The following RNF216 variants were observed in gnomAD, a reference collection of about 807,000 sequenced individuals.
The protein encoded by RNF216 is ring finger protein 216.
In RNF216, 72 loss-of-function variants were observed where a neutral mutation model predicts 110.8. That is an observed-to-expected ratio of 0.65 (90% CI 0.54 to 0.79). The LOEUF is 0.79. Among genes scored for constraint, RNF216 ranks in the 30% least tolerant of loss-of-function variants. RNF216 has a pLI of 0.00. For synonymous variants in RNF216, 495 were observed against 407.5 expected (o/e 1.21, Z -2.59); for missense variants, 1,342 against 1,141.2 (o/e 1.18, Z -2.54).
intron 1 of RNF216, among the ~76,000 whole-genome samples, chr7:5,778,218 C>T (rs961094545): frequency 1.3e-5 from 2 of 152,194 alleles, no homozygotes; most frequent in African/African-American, 2.4e-5. Flanking sequence ...CCGCATTCAC[C>T]ATTCAGTAGT....
intron 13 of RNF216, among the ~76,000 whole-genome samples, chr7:5,660,479 A>T (rs1423042622): frequency 6.6e-6 from 1 of 150,626 alleles, no homozygotes; most frequent in Non-Finnish European, 1.5e-5. Flanking sequence ...TTTAGTAGAG[A>T]CAGGGTTTCA....
rs1369750862 is a variant in RNF216, at chr7:5,781,662, G to A, written c.-191C>T. 1 of 152,394 alleles carries A rather than the reference G, an allele frequency of 6.6e-6. No homozygotes were observed. Among genetic ancestry groups the A allele is most frequent in the Non-Finnish European group, 1.5e-5 (1 of 68,170 alleles). 9.4% of individuals were successfully genotyped at this position (152,394 alleles called of 1,614,324 possible). On this transcript the variant is annotated 5_prime_UTR_variant, in exon 1 of 17. Transcript: ENST00000389902. ...CCGCTGCACTCCTTCCGGCCCTGCC[G>A]CGGCGTCACCTCGCGCCTGCGCACA...
At chr7:5,641,770 CA>C (rs1787746624) in intron 14 of RNF216, among the ~76,000 whole-genome samples, 1 of 151,062 alleles carries the variant, frequency 6.6e-6, no homozygotes, top group African/African-American at 2.5e-5. Context: ...CATGGTGGTG[CA>C]CGCCTGTAAT....
chr7:5,704,392 A>C (rs1379448238), intron 13 of RNF216, among the ~76,000 whole-genome samples: 2 of 152,240 alleles, frequency 1.3e-5, no homozygotes, highest in East Asian at 1.9e-4. Context: ...AATATCAGGA[A>C]TCCTCAAGGA....
intron 13 of RNF216, among the ~76,000 whole-genome samples, chr7:5,687,259 G>A (rs1453912191): frequency 3.3e-5 from 5 of 151,972 alleles, no homozygotes; most frequent in African/African-American, 7.3e-5. Flanking sequence ...AACTGGGCAT[G>A]GTGGCGGGCG....
chr7:5,668,414 G>A (rs563188407), intron 13 of RNF216, among the ~76,000 whole-genome samples: 2 of 151,946 alleles, frequency 1.3e-5, no homozygotes, highest in Non-Finnish European at 2.9e-5. Flanking sequence ...TAGTAGAGAC[G>A]GGGTTTCACC....
intron 1 of RNF216, chr7:5,777,358 C>G (rs987462689): frequency 2.6e-5 from 4 of 152,182 alleles, no homozygotes; most frequent in Non-Finnish European, 4.4e-5. Context: ...AAACAGAGCT[C>G]AGATTTTATT....
intron 13 of RNF216, among the ~76,000 whole-genome samples, chr7:5,659,796 C>A (rs1003882940): frequency 6.6e-6 from 1 of 152,166 alleles, no homozygotes; most frequent in African/African-American, 2.4e-5. Flanking sequence ...TGTGCCAACA[C>A]CAAGCCTGGC....
At position 5,766,699 on chromosome 7, in the gene RNF216, TATCA is replaced by T. The variant is rs1796227160; in HGVS notation, c.-69-5565_-69-5562del. ...CTGATGCTATTTTGTTAGTCTATGG[TATCA>T]GTCAGCTTGAGCTGACTAATACAGG... On this transcript the variant is annotated intron_variant, in intron 1 of 16. Transcript: ENST00000389902. Among the ~76,000 whole-genome samples, 6 of 152,364 alleles carry T rather than the reference TATCA, an allele frequency of 3.9e-5. No homozygotes were observed. The East Asian group carries it at 1.2e-3, about 29-fold the overall frequency.
chr7:5,707,535 A>G (rs754375036), intron 13 of RNF216, among the ~76,000 whole-genome samples: 1 of 152,080 alleles, frequency 6.6e-6, no homozygotes, highest in Non-Finnish European at 1.5e-5. Flanking sequence ...TGGAAATTGC[A>G]GATTTTTCTA....
chr7:5,664,939 G>A (rs769804686), intron 13 of RNF216, among the ~76,000 whole-genome samples: 2 of 152,216 alleles, frequency 1.3e-5, no homozygotes, highest in African/African-American at 2.4e-5. Context: ...TGGGATTACA[G>A]GCGCCCGCCA....
At chr7:5,753,482 C>T (rs935135343) in intron 2 of RNF216, among the ~76,000 whole-genome samples, 1 of 152,144 alleles carries the variant, frequency 6.6e-6, no homozygotes, top group Non-Finnish European at 1.5e-5. Context: ...TAGTCAAGCA[C>T]CCATTTAGCA....
At chr7:5,707,483 C>G (rs1051494818) in intron 13 of RNF216, among the ~76,000 whole-genome samples, 1 of 152,060 alleles carries the variant, frequency 6.6e-6, no homozygotes, top group South Asian at 2.1e-4. Context: ...ATTTTGTATC[C>G]TGCACCTTTA....
chr7:5,738,551 AC>A (rs1442176688), intron 5 of RNF216, among the ~76,000 whole-genome samples: 2 of 151,936 alleles, frequency 1.3e-5, no homozygotes, highest in African/African-American at 2.4e-5. Flanking sequence ...TACTAAAAAT[AC>A]ACAAAATTAG....
intron 13 of RNF216, among the ~76,000 whole-genome samples, chr7:5,697,656 G>A (rs1184011763): frequency 6.6e-6 from 1 of 152,166 alleles, no homozygotes; most frequent in East Asian, 1.9e-4. Flanking sequence ...CCTGGGGAAA[G>A]GTTTTGATGG....
At chr7:5,713,222 AGCAGAG>A (rs1792827063) in intron 11 of RNF216, 1 of 165,108 alleles carries the variant, frequency 6.1e-6, no homozygotes, top group South Asian at 1.6e-4. Flanking sequence ...ACCTCTGGAA[AGCAGAG>A]CTGAGTGGTG....
chr7:5,767,602 A>ATT (rs10709023), intron 1 of RNF216, among the ~76,000 whole-genome samples: 1 of 143,786 alleles, frequency 7.0e-6, no homozygotes, highest in Non-Finnish European at 1.5e-5. Flanking sequence ...GTTGAGAGGG[A>ATT]TTTTTTTTTT....
At chr7:5,698,738 C>A (rs944055686) in intron 13 of RNF216, among the ~76,000 whole-genome samples, 11 of 152,120 alleles carry the variant, frequency 7.2e-5, no homozygotes, top group African/African-American at 2.4e-4. Context: ...CCCAGAGAAG[C>A]TGGAAAACAC....
At chr7:5,658,022 TA>T (rs1300944166) in intron 13 of RNF216, among the ~76,000 whole-genome samples, 41 of 152,308 alleles carry the variant, frequency 2.7e-4, no homozygotes, top group African/African-American at 8.9e-4. Flanking sequence ...AAGCACAGCA[TA>T]ATGGGGGTTC....
Sources: gnomAD v4.1 joint callset for allele counts (sites outside exome capture counted in the v4.1 genomes callset) on GRCh38, gnomAD v4.1.1 for gene constraint, MANE v1.5 for transcripts, NCBI Gene and HGNC (gene_info 2026-07-23, HGNC 2026-07-21) for gene names.